Variants in DCLK1 observed in about 807,000 individuals in gnomAD.
The protein encoded by DCLK1 is doublecortin like kinase 1.
In DCLK1, 16 loss-of-function variants were observed where a neutral mutation model predicts 86.2. The ratio of observed to expected loss-of-function variants is 0.19; its 90% CI spans 0.13 to 0.28. The LOEUF is 0.28. Among genes scored for constraint, DCLK1 ranks in the 10% least tolerant of loss-of-function variants. The pLI is 1.00. For missense variants in DCLK1, 590 were observed against 940.2 expected, an observed-to-expected ratio of 0.63 and a Z score of 4.87; for synonymous variants, 369 against 370.5, an observed-to-expected ratio of 1.00 and a Z score of 0.05.
chr13:36,131,042 G>A (rs1593917543), intron 1 of DCLK1, 72 bp downstream of exon 1: 1 of 150,350 alleles, frequency 6.7e-6, no homozygotes, highest in Non-Finnish European at 1.5e-5. Flanking sequence ...GGCTGCGGGC[G>A]GAGCGGGCTC....
intron 3 of DCLK1, among the ~76,000 whole-genome samples, chr13:36,042,820 G>T (rs2153155532): frequency 6.6e-6 from 1 of 152,260 alleles, no homozygotes. Context: ...GAAATCAAAA[G>T]AATTTTTTGT....
intron 5 of DCLK1, among the ~76,000 whole-genome samples, chr13:35,869,599 A>G (rs1005667434): frequency 4.4e-5 from 6 of 135,058 alleles, no homozygotes; most frequent in Non-Finnish European, 6.2e-5. Flanking sequence ...CAGATTATCC[A>G]GAGTCAAATG....
In DCLK1 at chr13:36,066,990, G is replaced by A. The variant is rs947190991; in HGVS notation, c.723+44879C>T. 5.0e-4 allele frequency among the ~76,000 whole-genome samples: 73 copies of A among 147,146 alleles called. 1 individual carries two copies. Among genetic ancestry groups the A allele is most frequent in the African/African-American group, 1.7e-3 (69 of 39,878 alleles). On this transcript the variant is annotated intron_variant, in intron 3 of 16. Coordinates refer to ENST00000360631, the MANE Select transcript of DCLK1 (RefSeq NM_001330071.2). ...GTAAACTAGCTCAACCATTGTGGAAGTCAGTGTGGCGATTCCTCAGGGATC... is the reference window on the plus strand; with the variant it reads ...GTAAACTAGCTCAACCATTGTGGAAATCAGTGTGGCGATTCCTCAGGGATC...
chr13:35,890,738 G>GA (rs1255768073), intron 4 of DCLK1, among the ~76,000 whole-genome samples: 14 of 151,536 alleles, frequency 9.2e-5, no homozygotes, highest in Non-Finnish European at 2.1e-4. Context: ...ACCTGTTTGA[G>GA]AAAAAAATGG....
chr13:35,839,637 C>T (rs1268147465), intron 6 of DCLK1, among the ~76,000 whole-genome samples: 1 of 152,170 alleles, frequency 6.6e-6, no homozygotes, highest in Admixed American at 6.5e-5. Context: ...AAATTAAATG[C>T]TCCACCTTAC....
chr13:36,113,164 G>A (rs753703028), intron 2 of DCLK1, among the ~76,000 whole-genome samples: 2 of 152,118 alleles, frequency 1.3e-5, no homozygotes. Flanking sequence ...TAAAATGACC[G>A]AGGCCTAATC....
At chr13:35,792,785 C>T (rs146506754) in intron 16 of DCLK1, among the ~76,000 whole-genome samples, 6 of 152,184 alleles carry the variant, frequency 3.9e-5, no homozygotes, top group Admixed American at 6.5e-5. Flanking sequence ...CTTGTGCAGA[C>T]GCATCAATAA....
At chr13:36,113,273 C>A (rs546251961) in intron 2 of DCLK1, among the ~76,000 whole-genome samples, 2 of 152,270 alleles carry the variant, frequency 1.3e-5, no homozygotes, top group East Asian at 1.9e-4. Context: ...ATAAAAATAA[C>A]TGAAGCAGGC....
rs1223788817 is a variant in DCLK1 at position 36,126,021 on chromosome 13, G to A, written c.117C>T (p.Cys39=). 1.2e-6 allele frequency: 2 copies of A among 1,613,898 alleles called. No individual in the cohort carries two copies. Among genetic ancestry groups the A allele is most frequent in the Admixed American group, 3.3e-5 (2 of 60,006 alleles). Residue 39 remains cysteine (C), a synonymous_variant, in exon 2 of 17, where the codon TGC becomes TGT. Coordinates refer to ENST00000360631, the MANE Select transcript of DCLK1 (RefSeq NM_001330071.2). ...GLPSPTHSAH[C]SFYRTRTLQT... is the part of the protein sequence containing the mutation. ...GCAGCGTGCGGGTGCGGTAGAAGCT[G>A]CAGTGGGCGCTGTGCGTCGGGCTCG... is the stretch of plus-strand genomic sequence containing the variant.
chr13:36,045,366 A>C (rs1323649698), intron 3 of DCLK1, among the ~76,000 whole-genome samples: 1 of 133,642 alleles, frequency 7.5e-6, no homozygotes, highest in East Asian at 2.2e-4. Context: ...ATATATATAT[A>C]TATATATATA....
chr13:36,016,301 T>A (rs1049870198), intron 3 of DCLK1, among the ~76,000 whole-genome samples: 1 of 152,190 alleles, frequency 6.6e-6, no homozygotes, highest in Non-Finnish European at 1.5e-5. Context: ...ATATTTGTAT[T>A]AGCCATATTT....
At chr13:35,875,953 C>A (rs1005315965) in intron 4 of DCLK1, among the ~76,000 whole-genome samples, 1 of 152,108 alleles carries the variant, frequency 6.6e-6, no homozygotes, top group Non-Finnish European at 1.5e-5. Flanking sequence ...TTCCTCACTA[C>A]CCCCAGTATC....
At chr13:36,069,996 C>T (rs557286803) in intron 3 of DCLK1, among the ~76,000 whole-genome samples, 1 of 152,130 alleles carries the variant, frequency 6.6e-6, no homozygotes, top group Non-Finnish European at 1.5e-5. Context: ...TGAGGGCCAA[C>T]TTTATGTCCG....
intron 16 of DCLK1, among the ~76,000 whole-genome samples, chr13:35,776,633 A>C (rs1317690393): frequency 1.3e-5 from 2 of 152,170 alleles, no homozygotes; most frequent in African/African-American, 4.8e-5. Context: ...GGATGTGCAA[A>C]TGCTTTCTAA....
intron 5 of DCLK1, among the ~76,000 whole-genome samples, chr13:35,868,748 A>G (rs1365629273): frequency 1.3e-5 from 2 of 152,056 alleles, no homozygotes; most frequent in East Asian, 3.9e-4. Context: ...GTTCTCCTTT[A>G]TTGCTCCATG....
chr13:36,044,947 G>T (rs1206237368), intron 3 of DCLK1, among the ~76,000 whole-genome samples: 1 of 151,802 alleles, frequency 6.6e-6, no homozygotes, highest in Non-Finnish European at 1.5e-5. Context: ...TACATCTTTG[G>T]TACTATTTGA....
At chr13:35,860,340 G>T (rs1487830614) in intron 5 of DCLK1, among the ~76,000 whole-genome samples, 2 of 151,940 alleles carry the variant, frequency 1.3e-5, no homozygotes, top group Admixed American at 6.5e-5. Flanking sequence ...TAGGGAATCA[G>T]TTGAGACCAA....
chr13:35,849,847 T>C (rs1870480322), intron 6 of DCLK1: 1 of 975,370 alleles, frequency 1.0e-6, no homozygotes, highest in Non-Finnish European at 1.2e-6. Flanking sequence ...CCAGACACAA[T>C]TTTTTTTAGG....
chr13:36,013,443 A>G (rs964803191), intron 3 of DCLK1, among the ~76,000 whole-genome samples: 6 of 152,004 alleles, frequency 3.9e-5, no homozygotes, highest in Non-Finnish European at 8.8e-5. Context: ...TTTTCCTTCT[A>G]ACAGACAGGA....
Sources: gnomAD v4.1 joint callset for allele counts (sites outside exome capture counted in the v4.1 genomes callset) on GRCh38, gnomAD v4.1.1 for gene constraint, MANE v1.5 for transcripts, NCBI Gene and HGNC (gene_info 2026-07-23, HGNC 2026-07-21) for gene names.